Variants in TOX3 observed in about 807,000 individuals in gnomAD.
The protein encoded by TOX3 is TOX high mobility group box family member 3, also known as CAG trinucleotide repeat-containing gene F9 protein.
In TOX3, 22 loss-of-function variants were observed where a neutral mutation model predicts 64.3. That is an observed-to-expected ratio of 0.34 (90% CI 0.24 to 0.49). TOX3 has a LOEUF of 0.49. Among genes scored for constraint, TOX3 ranks in the 20% least tolerant of loss-of-function variants. TOX3 has a pLI of 0.99. For synonymous variants in TOX3, 291 were observed against 273.6 expected (o/e 1.06, Z -0.63); for missense variants, 661 against 714.4 (o/e 0.93, Z 0.85).
intron 1 of TOX3, among the ~76,000 whole-genome samples, chr16:52,515,732 A>G (rs1392454247): frequency 6.6e-6 from 1 of 152,218 alleles, no homozygotes; most frequent in African/African-American, 2.4e-5. Context: ...AAACAGAAGA[A>G]TGGCATAAGC....
chr16:52,442,208 T>C (rs1163413887), intron 6 of TOX3, among the ~76,000 whole-genome samples: 1 of 152,184 alleles, frequency 6.6e-6, no homozygotes, highest in Non-Finnish European at 1.5e-5. Flanking sequence ...TGAATTTCTT[T>C]GGTTATTGTA....
intron 1 of TOX3, among the ~76,000 whole-genome samples, chr16:52,546,071 C>T (rs1382020688): frequency 6.6e-6 from 1 of 152,140 alleles, no homozygotes; most frequent in Non-Finnish European, 1.5e-5. Context: ...CCAAAGTGCC[C>T]TAACGAAAGG....
At chr16:52,479,493 C>T (rs1005667647) in intron 1 of TOX3, among the ~76,000 whole-genome samples, 4 of 152,150 alleles carry the variant, frequency 2.6e-5, no homozygotes, top group Admixed American at 1.3e-4. Context: ...GCATAATTTT[C>T]AGAAGGTAAG....
intron 1 of TOX3, among the ~76,000 whole-genome samples, chr16:52,469,940 A>G (rs1177790346): frequency 6.6e-6 from 1 of 152,216 alleles, no homozygotes; most frequent in African/African-American, 2.4e-5. Flanking sequence ...ACAACAGCCA[A>G]CACACCGAAA....
At chr16:52,445,931 G>A in intron 5 of TOX3, 63 bp downstream of exon 5, 3 of 1,461,954 alleles carry the variant, frequency 2.1e-6, no homozygotes, top group South Asian at 1.2e-5. Context: ...TGGAAAAGGT[G>A]TGAGGAATAT....
chr16:52,483,909 T>G (rs45442998), intron 1 of TOX3, among the ~76,000 whole-genome samples: 20,791 of 152,074 alleles, frequency 0.14, 1,566 homozygotes, highest in East Asian at 0.34. Context: ...AAAGAAATAT[T>G]TAATTCCTAG....
intron 6 of TOX3, 40 bp downstream of exon 6, chr16:52,444,236 G>C: frequency 2.0e-6 from 3 of 1,471,952 alleles, no homozygotes; most frequent in Non-Finnish European, 1.8e-6. Flanking sequence ...TTTCCACGCT[G>C]TGACTATTTT....
intron 4 of TOX3, among the ~76,000 whole-genome samples, chr16:52,448,847 C>A (rs187539200): frequency 6.6e-6 from 1 of 152,328 alleles, no homozygotes; most frequent in East Asian, 1.9e-4. Context: ...GTTCTAGACT[C>A]CAATGTAAGC....
chr16:52,502,895 T>C (rs1962041271), intron 1 of TOX3, among the ~76,000 whole-genome samples: 1 of 152,174 alleles, frequency 6.6e-6, no homozygotes, highest in South Asian at 2.1e-4. Context: ...AAGTACCAGA[T>C]AGTCAAGCTT....
chr16:52,485,236 A>ATGTGTGTGTATGTGTG (rs1555484132), intron 1 of TOX3, among the ~76,000 whole-genome samples: 6 of 113,032 alleles, frequency 5.3e-5, no homozygotes, highest in African/African-American at 2.3e-4. Flanking sequence ...GTGTGTGTGT[A>ATGTGTGTGTATGTGTG]TGTGTGTGTG....
At chr16:52,449,931 C>G (rs547481569) in intron 4 of TOX3, among the ~76,000 whole-genome samples, 14 of 152,334 alleles carry the variant, frequency 9.2e-5, no homozygotes, top group Admixed American at 7.8e-4. Flanking sequence ...TAACTTAGAA[C>G]CAGAGCAGTT....
rs1044113794 is a variant in TOX3, at chr16:52,437,557, C to G, written c.*1668G>C. The G allele has an allele frequency of 6.6e-6, 1 of 152,414 alleles. No homozygotes were observed. Among genetic ancestry groups the G allele is most frequent in the African/African-American group, 2.4e-5 (1 of 41,424 alleles). 9.4% of individuals were successfully genotyped at this position (152,414 alleles called of 1,614,324 possible). On this transcript the variant is annotated 3_prime_UTR_variant, in exon 7 of 7. Coordinates refer to ENST00000219746, the MANE Select transcript of TOX3 (RefSeq NM_001080430.4). The stretch of plus-strand genomic sequence containing the variant: ...ATTATAGCTTCTGACAGGACAGATG[C>G]TGTAATTAATCATGCAAGACAACTG...
At chr16:52,458,828 C>T (rs530778717) in intron 3 of TOX3, among the ~76,000 whole-genome samples, 5 of 152,220 alleles carry the variant, frequency 3.3e-5, no homozygotes, top group African/African-American at 1.2e-4. Context: ...GTAAAAGTGT[C>T]TGTGGCCTGG....
chr16:52,520,463 T>C (rs1469783504), intron 1 of TOX3, among the ~76,000 whole-genome samples: 2 of 152,234 alleles, frequency 1.3e-5, no homozygotes, highest in African/African-American at 2.4e-5. Context: ...AATAGACTCA[T>C]GTTCAATGTC....
At chr16:52,451,092 A>G (rs1368402702) in intron 3 of TOX3, among the ~76,000 whole-genome samples, 1 of 152,178 alleles carries the variant, frequency 6.6e-6, no homozygotes, top group Non-Finnish European at 1.5e-5. Context: ...AGCAAAGCAT[A>G]GAGCTTTAGT....
chr16:52,508,354 G>A (rs45564942), intron 1 of TOX3, among the ~76,000 whole-genome samples: 204 of 152,240 alleles, frequency 1.3e-3, no homozygotes, highest in Non-Finnish European at 2.5e-3. Flanking sequence ...GTGCAACAGC[G>A]TGCATACACA....
At chr16:52,458,442 A>G (rs116144823) in intron 3 of TOX3, among the ~76,000 whole-genome samples, 1 of 152,298 alleles carries the variant, frequency 6.6e-6, no homozygotes, top group African/African-American at 2.4e-5. Flanking sequence ...CCATCATGTC[A>G]GTCTTATGTG....
chr16:52,488,471 G>C (rs142315913), intron 1 of TOX3, among the ~76,000 whole-genome samples: 75 of 152,262 alleles, frequency 4.9e-4, no homozygotes, highest in African/African-American at 1.7e-3. Context: ...TGACCATCTT[G>C]TTGCCATGAC....
Position 52,439,890 on chromosome 16 carries a change from G to A in TOX3, c.1066C>T (p.Leu356Phe). Residue 356 changes from leucine to phenylalanine, a missense_variant, in exon 7 of 7, where the codon CTC (leucine) becomes TTC (phenylalanine). Around this residue, in one of 3 missense-constraint regions of TOX3, gnomAD observed 299 missense variants for 292.1 expected, o/e 1.02. Transcript: ENST00000219746. ...TLASTNLTSS[L>F]LLNTPLSQHG... is the part of the protein sequence containing the mutation. ...TGAGACAGTGGAGTGTTGAGAAGGA[G>A]AGAGGATGTTAGATTGGTCGACGCC... 8 of 1,613,550 alleles carry A rather than the reference G, an allele frequency of 5.0e-6. No individual in the cohort carries two copies. Among genetic ancestry groups the A allele is most frequent in the East Asian group, 2.2e-5 (1 of 44,872 alleles).
Sources: allele counts gnomAD v4.1 joint callset (sites outside exome capture counted in the v4.1 genomes callset), GRCh38; gene constraint gnomAD v4.1.1; regional missense constraint gnomAD v4.1.1; transcripts MANE v1.5; gene names NCBI Gene and HGNC (gene_info 2026-07-23, HGNC 2026-07-21).